PRKDC: variants seen among roughly 807,000 people sequenced by gnomAD.
The protein encoded by PRKDC is DNA-dependent protein kinase catalytic subunit.
PRKDC carries 82 observed loss-of-function variants against 486.9 expected under a neutral mutation model. The ratio of observed to expected loss-of-function variants is 0.17; its 90% CI spans 0.14 to 0.20. The LOEUF (loss-of-function observed/expected upper bound fraction) is 0.20. PRKDC is among the 10% of genes least tolerant of loss of function. The pLI is 1.00. For missense variants in PRKDC, 4,504 were observed against 5,038.2 expected (o/e 0.89, Z 3.21); for synonymous variants, 1,895 against 1,837.0 (o/e 1.03, Z -0.81).
intron 25 of PRKDC, among the ~76,000 whole-genome samples, chr8:47,911,609 T>C (rs1389197739): frequency 6.6e-6 from 1 of 152,194 alleles, no homozygotes; most frequent in African/African-American, 2.4e-5. Context: ...TTGCATTTCA[T>C]TTTCTTTTTT....
At position 47,953,935 on chromosome 8, in the gene PRKDC, T is replaced by G; in HGVS notation, c.509-16A>C. On this transcript the variant is annotated splice_polypyrimidine_tract_variant and intron_variant, in intron 5 of 85. Coordinates refer to ENST00000314191, the MANE Select transcript of PRKDC (RefSeq NM_006904.7). ...TTTTCTAAAACTGAAAAGAAAATTT[T>G]AGACAAGTGAAGGCCTCAAACTACA... is the stretch of plus-strand genomic sequence containing the variant. 6.7e-7 allele frequency: 1 copy of G among 1,483,158 alleles called. No individual in the cohort carries two copies. The highest frequency in any genetic ancestry group is 2.5e-5 in the East Asian group (1 of 40,272). 91.9% of individuals were successfully genotyped at this position (1,483,158 alleles called of 1,614,324 possible). A position where few individuals can be genotyped will look rare whatever the true frequency, so the allele number is the denominator to read the frequency against.
At chr8:47,863,310 T>C in intron 42 of PRKDC, 89 bp downstream of exon 42, 1 of 1,103,608 alleles carries the variant, frequency 9.1e-7, no homozygotes, top group East Asian at 2.8e-5. Context: ...CTAAATAAAA[T>C]ATTTATTCAC....
At chr8:47,874,978 C>T (rs2089060157) in intron 40 of PRKDC, among the ~76,000 whole-genome samples, 1 of 152,038 alleles carries the variant, frequency 6.6e-6, no homozygotes, top group African/African-American at 2.4e-5. Flanking sequence ...TTGCCTGAAC[C>T]CAGGAGGAGG....
At chr8:47,779,307 A>G in intron 80 of PRKDC, 3 of 436,946 alleles carry the variant, frequency 6.9e-6, no homozygotes, top group Non-Finnish European at 1.2e-5. Flanking sequence ...TCCTAAAGAA[A>G]TCCAAGCTAT....
chr8:47,833,544 T>C (rs372312480), intron 59 of PRKDC, among the ~76,000 whole-genome samples: 8 of 152,154 alleles, frequency 5.3e-5, no homozygotes, highest in African/African-American at 1.9e-4. Flanking sequence ...ATCACTCCAC[T>C]TCTGCCCCAC....
chr8:47,784,320 T>C (rs2086754696), intron 77 of PRKDC, among the ~76,000 whole-genome samples: 1 of 152,036 alleles, frequency 6.6e-6, no homozygotes, highest in African/African-American at 2.4e-5. Context: ...TCTATTCTAA[T>C]AGCATGGACA....
At chr8:47,798,959 C>T (rs1424775997) in intron 72 of PRKDC, among the ~76,000 whole-genome samples, 1 of 152,108 alleles carries the variant, frequency 6.6e-6, no homozygotes, top group Non-Finnish European at 1.5e-5. Context: ...CAGGCATGGG[C>T]CACCACGCCC....
In PRKDC at chr8:47,912,460, A is replaced by G; in HGVS notation, c.2884T>C (p.Tyr962His). The change falls in exon 25 of 86, where the codon TAT becomes CAT. Residue 962 changes from tyrosine (Y) to histidine (H), a missense_variant. Coordinates refer to ENST00000314191, the MANE Select transcript of PRKDC (RefSeq NM_006904.7). ...AGCAGCACAGGAAACGTCCGCTTATAGAGCTGGTACATGGGTGGGGCTCCC... is the reference window on the plus strand; with the variant it reads ...AGCAGCACAGGAAACGTCCGCTTATGGAGCTGGTACATGGGTGGGGCTCCC... ...GQGAPPMYQL[Y>H]KRTFPVLLRL... The G allele has an allele frequency of 6.2e-7, 1 of 1,611,442 alleles. No individual in the cohort carries two copies. Among genetic ancestry groups the G allele is most frequent in the Non-Finnish European group, 8.5e-7 (1 of 1,178,566 alleles).
intron 60 of PRKDC, among the ~76,000 whole-genome samples, 162 bp from the exon 61 acceptor site, chr8:47,830,898 A>G (rs2087852576): frequency 6.6e-6 from 1 of 152,164 alleles, no homozygotes; most frequent in Admixed American, 6.5e-5. Flanking sequence ...TCTAGGGCAA[A>G]CACTGCATCC....
intron 76 of PRKDC, among the ~76,000 whole-genome samples, chr8:47,786,892 G>A (rs1168569010): frequency 2.6e-5 from 4 of 151,524 alleles, no homozygotes; most frequent in East Asian, 1.9e-4. Flanking sequence ...ACCGTGCCTG[G>A]CTAATTTTTG....
chr8:47,796,816 A>G (rs2086994699), intron 73 of PRKDC, among the ~76,000 whole-genome samples: 1 of 151,920 alleles, frequency 6.6e-6, no homozygotes, highest in South Asian at 2.1e-4. Flanking sequence ...CTGGTCTCGA[A>G]CTGCTGACCT....
At chr8:47,850,074 C>T (rs1454956141) in intron 52 of PRKDC, among the ~76,000 whole-genome samples, 2 of 152,134 alleles carry the variant, frequency 1.3e-5, no homozygotes, top group African/African-American at 4.8e-5. Context: ...AATGCCAGCT[C>T]CCCAAGGGCA....
chr8:47,925,216 G>A (rs935637552), intron 21 of PRKDC, among the ~76,000 whole-genome samples: 10 of 152,168 alleles, frequency 6.6e-5, no homozygotes, highest in African/African-American at 2.4e-4. Flanking sequence ...AACTCACACA[G>A]AGAGAAAAAC....
intron 35 of PRKDC, 122 bp from the exon 36 acceptor site, chr8:47,886,269 T>C: frequency 3.0e-6 from 2 of 665,686 alleles, no homozygotes; most frequent in South Asian, 3.8e-5. Flanking sequence ...GAGCCTGATA[T>C]GTGAAGCCTG....
At chr8:47,799,071 T>C (rs1050930646) in intron 72 of PRKDC, 139 bp downstream of exon 72, 41 of 1,164,452 alleles carry the variant, frequency 3.5e-5, no homozygotes, top group Non-Finnish European at 4.4e-5. Flanking sequence ...CCGGCTGCCA[T>C]TGTCTCTTAA....
chr8:47,957,521 T>C (rs2090725261), intron 1 of PRKDC, 90 bp from the exon 2 acceptor site: 5 of 1,070,548 alleles, frequency 4.7e-6, no homozygotes, highest in Non-Finnish European at 6.7e-6. Flanking sequence ...TTTCTTATTA[T>C]TTTTTTTGAG....
rs546418978 is a variant in PRKDC at position 47,828,493 on chromosome 8, T to C, written c.8398-146A>G. On this transcript the variant is annotated intron_variant, in intron 61 of 85. Transcript: ENST00000314191. ...TCTATTTGGAAAGACTTAGCAGGCA[T>C]TGACAAGGGGAGCATTTGGAATTTA... is the stretch of plus-strand genomic sequence containing the variant. 309 of 644,470 alleles carry C rather than the reference T, an allele frequency of 4.8e-4. No homozygotes were observed. The African/African-American group carries it at 5.0e-3, about 10-fold the overall frequency. 39.9% of individuals were successfully genotyped at this position (644,470 alleles called of 1,614,324 possible).
intron 60 of PRKDC, among the ~76,000 whole-genome samples, chr8:47,830,991 G>A (rs1478856807): frequency 6.6e-6 from 1 of 152,196 alleles, no homozygotes; most frequent in Non-Finnish European, 1.5e-5. Flanking sequence ...CGGAAAATTT[G>A]ATTTAGAAGT....
chr8:47,838,591 G>A (rs1228500268), intron 56 of PRKDC, among the ~76,000 whole-genome samples: 2 of 152,194 alleles, frequency 1.3e-5, no homozygotes, highest in African/African-American at 2.4e-5. Context: ...CAGCCTGGGT[G>A]CCAGAGCAAG....
Sources: gnomAD v4.1 joint callset for allele counts (sites outside exome capture counted in the v4.1 genomes callset) on GRCh38, gnomAD v4.1.1 for gene constraint, MANE v1.5 for transcripts, NCBI Gene and HGNC (gene_info 2026-07-23, HGNC 2026-07-21) for gene names.